The following KIAA1549L variants were observed in gnomAD, a reference collection of about 807,000 sequenced individuals.
KIAA1549L encodes KIAA1549 like.
KIAA1549L carries 88 observed loss-of-function variants against 160.7 expected under a neutral mutation model. That is an observed-to-expected ratio of 0.55 (90% CI 0.46 to 0.65). The LOEUF (loss-of-function observed/expected upper bound fraction) is 0.65. Ranked by LOEUF, KIAA1549L falls within the 30% of genes least tolerant of loss-of-function variation. KIAA1549L has a pLI of 0.00. For missense variants in KIAA1549L, 2,258 were observed against 2,437.5 expected, an observed-to-expected ratio of 0.93 and a Z score of 1.55; for synonymous variants, 950 against 976.7, an observed-to-expected ratio of 0.97 and a Z score of 0.51.
At chr11:33,588,449 C>T (rs1849945822) in intron 11 of KIAA1549L, among the ~76,000 whole-genome samples, 1 of 152,102 alleles carries the variant, frequency 6.6e-6, no homozygotes, top group African/African-American at 2.4e-5. Flanking sequence ...GTGACGCAAC[C>T]ACATGTGTTT....
intron 1 of KIAA1549L, among the ~76,000 whole-genome samples, chr11:33,471,068 G>T (rs1185740803): frequency 6.6e-6 from 1 of 151,966 alleles, no homozygotes; most frequent in Non-Finnish European, 1.5e-5. Flanking sequence ...GGATCCTCCT[G>T]CCTCAGCCTC....
At chr11:33,614,576 ATATATATATTTTTTTTTT>A (rs1850754617) in intron 15 of KIAA1549L, among the ~76,000 whole-genome samples, 1 of 12,114 alleles carries the variant, frequency 8.3e-5, no homozygotes, top group Non-Finnish European at 1.2e-4. Context: ...ATATATATAT[ATATATATATTTTTTTTTT>A]TTTTTTTTTT....
intron 17 of KIAA1549L, among the ~76,000 whole-genome samples, chr11:33,649,263 CA>C (rs1220119090): frequency 1.3e-5 from 2 of 150,866 alleles, no homozygotes; most frequent in Non-Finnish European, 2.9e-5. Flanking sequence ...CCTGTAACCC[CA>C]GCACTTTGGG....
At chr11:33,658,227 A>G (rs7930995) in intron 18 of KIAA1549L, among the ~76,000 whole-genome samples, 56,939 of 151,934 alleles carry the variant, frequency 0.37, 10,930 homozygotes, top group East Asian at 0.52. Flanking sequence ...TGCTCCCTGG[A>G]GCAGCCCGAG....
intron 1 of KIAA1549L, among the ~76,000 whole-genome samples, chr11:33,532,759 CT>C (rs1853804476): frequency 6.6e-6 from 1 of 152,148 alleles, no homozygotes; most frequent in African/African-American, 2.4e-5. Context: ...ATCTAGTTTG[CT>C]TTTCTTTAAG....
chr11:33,538,100 G>A (rs1392513146), intron 1 of KIAA1549L, among the ~76,000 whole-genome samples: 1 of 152,204 alleles, frequency 6.6e-6, no homozygotes, highest in African/African-American at 2.4e-5. Flanking sequence ...GGGAAGCAAG[G>A]CACCTTCTTC....
intron 1 of KIAA1549L, among the ~76,000 whole-genome samples, chr11:33,381,422 C>G (rs904466551): frequency 1.3e-5 from 2 of 152,088 alleles, no homozygotes; most frequent in Non-Finnish European, 2.9e-5. Context: ...GTGGGAAAAG[C>G]AAGTGCAAAG....
intron 1 of KIAA1549L, among the ~76,000 whole-genome samples, chr11:33,394,418 T>C (rs141053382): frequency 0.031 from 761 of 24,288 alleles, 3 homozygotes; most frequent in African/African-American, 0.07. Context: ...AATAAATAAA[T>C]AAACAAACAA....
chr11:33,430,461 C>G (rs1028944294), intron 1 of KIAA1549L, among the ~76,000 whole-genome samples: 2 of 152,158 alleles, frequency 1.3e-5, no homozygotes, highest in Non-Finnish European at 2.9e-5. Context: ...CCTGAACTTG[C>G]CCTGAGGCTA....
chr11:33,561,638 C>T (rs1306593521), intron 7 of KIAA1549L, 38 bp from the exon 8 acceptor site: 3 of 1,448,348 alleles, frequency 2.1e-6, no homozygotes, highest in Non-Finnish European at 2.9e-6. Flanking sequence ...CAAATCAAAC[C>T]TATAAAAGTA....
intron 3 of KIAA1549L, 129 bp downstream of exon 3, chr11:33,545,507 A>G: frequency 8.8e-7 from 1 of 1,140,670 alleles, no homozygotes; most frequent in Admixed American, 2.8e-5. Flanking sequence ...ACATTTGGCT[A>G]TGTCTGGAGA....
At chr11:33,626,047 T>G (rs1851102861) in intron 16 of KIAA1549L, among the ~76,000 whole-genome samples, 1 of 150,596 alleles carries the variant, frequency 6.6e-6, no homozygotes, top group South Asian at 2.1e-4. Flanking sequence ...TTTTCTCAGG[T>G]TTGTCAAAGA....
At chr11:33,418,790 T>G (rs1355300290) in intron 1 of KIAA1549L, among the ~76,000 whole-genome samples, 1 of 151,858 alleles carries the variant, frequency 6.6e-6, no homozygotes, top group Non-Finnish European at 1.5e-5. Context: ...TGTGCCTTGC[T>G]GGGCTAAAGC....
At chr11:33,636,680 T>A (rs375675869) in intron 16 of KIAA1549L, among the ~76,000 whole-genome samples, 2 of 152,178 alleles carry the variant, frequency 1.3e-5, no homozygotes, top group African/African-American at 4.8e-5. Flanking sequence ...TTGTTATAAT[T>A]GTTCTTTTAT....
At chr11:33,667,683 C>T (rs1031241212) in intron 20 of KIAA1549L, among the ~76,000 whole-genome samples, 190 bp from the exon 21 acceptor site, 2 of 152,148 alleles carry the variant, frequency 1.3e-5, no homozygotes, top group African/African-American at 4.8e-5. Flanking sequence ...CGTGAGCCAC[C>T]GAAATTACCT....
intron 1 of KIAA1549L, among the ~76,000 whole-genome samples, chr11:33,520,095 T>C (rs755868312): frequency 6.6e-6 from 1 of 152,094 alleles, no homozygotes. Context: ...TTATCCACTA[T>C]CTCCCAAAGT....
chr11:33,495,623 G>A (rs1158471567), intron 1 of KIAA1549L, among the ~76,000 whole-genome samples: 3 of 152,152 alleles, frequency 2.0e-5, no homozygotes, highest in African/African-American at 4.8e-5. Context: ...ATGATTTATA[G>A]TCCTTTGGGT....
intron 7 of KIAA1549L, 70 bp downstream of exon 7, chr11:33,559,981 A>G: frequency 2.1e-6 from 3 of 1,417,044 alleles, no homozygotes; most frequent in Non-Finnish European, 2.9e-6. Flanking sequence ...GCAAACATTT[A>G]TAGTGCCAGG....
Position 33,668,283 on chromosome 11 carries a change from G to T in KIAA1549L, c.*129G>T, listed in dbSNP as rs939043255. ...TTTCTCACCCTCCATTTCTGAAAAGGTGAACTATGGGGCTTCTGGGAACAG... is the reference window on the plus strand; with the variant it reads ...TTTCTCACCCTCCATTTCTGAAAAGTTGAACTATGGGGCTTCTGGGAACAG... On this transcript the variant is annotated 3_prime_UTR_variant, in exon 21 of 21. Transcript: ENST00000658780. 6 of 852,292 alleles carry T rather than the reference G, an allele frequency of 7.0e-6. No individual in the cohort carries two copies. The highest frequency in any genetic ancestry group is 6.8e-5 in the African/African-American group (4 of 58,554). The allele number at this position is 852,292 out of a possible 1,614,324, so 52.8% of individuals were successfully genotyped here.
Sources: gnomAD v4.1 joint callset for allele counts (sites outside exome capture counted in the v4.1 genomes callset) on GRCh38, gnomAD v4.1.1 for gene constraint, MANE v1.5 for transcripts, NCBI Gene and HGNC (gene_info 2026-07-23, HGNC 2026-07-21) for gene names.